Variants in DLG2 observed in about 807,000 individuals in gnomAD.
DLG2 encodes discs large MAGUK scaffold protein 2.
DLG2 carries 45 observed loss-of-function variants against 132.5 expected under a neutral mutation model. That is an observed-to-expected ratio of 0.34 (90% confidence interval 0.27 to 0.44). The LOEUF (loss-of-function observed/expected upper bound fraction) is 0.44. DLG2 is among the 20% of genes least tolerant of loss of function. DLG2 has a pLI of 1.00. For synonymous variants in DLG2, 424 were observed against 419.6 expected (o/e 1.01, Z -0.13); for missense variants, 1,045 against 1,196.9 (o/e 0.87, Z 1.87).
chr11:85,578,068 G>C (rs2078264365), intron 3 of DLG2, among the ~76,000 whole-genome samples: 1 of 152,022 alleles, frequency 6.6e-6, no homozygotes, highest in Non-Finnish European at 1.5e-5. Flanking sequence ...ACAGAATAGA[G>C]AACCCAGCAA....
At chr11:84,757,292 T>C (rs2153837758) in intron 6 of DLG2, among the ~76,000 whole-genome samples, 1 of 152,126 alleles carries the variant, frequency 6.6e-6, no homozygotes, top group African/African-American at 2.4e-5. Context: ...TGTATATCTT[T>C]TGTTAAAAAA....
At chr11:84,031,982 G>T (rs1025739564) in intron 11 of DLG2, among the ~76,000 whole-genome samples, 1 of 151,952 alleles carries the variant, frequency 6.6e-6, no homozygotes, top group Non-Finnish European at 1.5e-5. Context: ...AATAGTTTTG[G>T]GGTGCCACAG....
At chr11:85,458,638 A>G (rs184762760) in intron 3 of DLG2, among the ~76,000 whole-genome samples, 133 of 152,314 alleles carry the variant, frequency 8.7e-4, no homozygotes, top group African/African-American at 3.1e-3. Context: ...GGCTTTGTGC[A>G]AGGTCTTATT....
intron 4 of DLG2, among the ~76,000 whole-genome samples, chr11:85,208,881 T>C (rs1052502921): frequency 6.6e-6 from 1 of 151,830 alleles, no homozygotes; most frequent in Non-Finnish European, 1.5e-5. Flanking sequence ...CGGGGAGAGG[T>C]GAGAAGGAGT....
intron 6 of DLG2, among the ~76,000 whole-genome samples, chr11:84,796,041 T>G (rs560390152): frequency 6.6e-6 from 1 of 152,162 alleles, no homozygotes; most frequent in South Asian, 2.1e-4. Flanking sequence ...CCAGGCCAGA[T>G]GGGCAGAACA....
intron 22 of DLG2, among the ~76,000 whole-genome samples, chr11:83,476,834 C>T (rs1206628686): frequency 6.6e-6 from 1 of 152,012 alleles, no homozygotes; most frequent in Admixed American, 6.6e-5. Context: ...TAATGTAAAA[C>T]ATGTCTAATA....
chr11:84,592,011 G>C (rs1253542850), intron 6 of DLG2, among the ~76,000 whole-genome samples: 1 of 151,914 alleles, frequency 6.6e-6, no homozygotes, highest in Non-Finnish European at 1.5e-5. Flanking sequence ...GAGCCATCAC[G>C]CCAGGCTGAT....
intron 3 of DLG2, among the ~76,000 whole-genome samples, chr11:85,565,271 G>C (rs1256685231): frequency 6.6e-6 from 1 of 151,980 alleles, no homozygotes; most frequent in Non-Finnish European, 1.5e-5. Flanking sequence ...TGATGAAAGT[G>C]GTTATCCTTG....
intron 6 of DLG2, among the ~76,000 whole-genome samples, chr11:84,916,010 G>C (rs1213124026): frequency 1.3e-5 from 2 of 152,064 alleles, no homozygotes; most frequent in Non-Finnish European, 2.9e-5. Flanking sequence ...GTATACATAT[G>C]ACTCAAATCT....
chr11:84,120,513 G>T (rs2093858548), intron 9 of DLG2, among the ~76,000 whole-genome samples: 1 of 152,200 alleles, frequency 6.6e-6, no homozygotes, highest in Admixed American at 6.5e-5. Flanking sequence ...CAAAAATAAA[G>T]CGGGGAAAAA....
chr11:85,081,644 C>T (rs1027056371), intron 6 of DLG2, among the ~76,000 whole-genome samples: 11 of 152,122 alleles, frequency 7.2e-5, no homozygotes, highest in African/African-American at 2.4e-4. Context: ...GCTGGTCTTG[C>T]AGTAGACTGC....
At chr11:83,962,280 C>T (rs899001297) in intron 14 of DLG2, among the ~76,000 whole-genome samples, 6 of 151,976 alleles carry the variant, frequency 3.9e-5, no homozygotes, top group East Asian at 1.9e-4. Flanking sequence ...TCAGGCCCCA[C>T]GTATATCTGA....
intron 6 of DLG2, among the ~76,000 whole-genome samples, chr11:84,787,652 A>G (rs1187129317): frequency 6.6e-6 from 1 of 152,188 alleles, no homozygotes; most frequent in Admixed American, 6.6e-5. Context: ...TAAAGAATAT[A>G]TGCCTAATTT....
At chr11:84,262,535 T>C (rs939753760) in intron 7 of DLG2, among the ~76,000 whole-genome samples, 1 of 152,070 alleles carries the variant, frequency 6.6e-6, no homozygotes, top group Admixed American at 6.6e-5. Flanking sequence ...CATAATCATC[T>C]TTTTTTTCAT....
At chr11:83,480,650 C>G (rs1321645540) in intron 22 of DLG2, 1 of 1,550,880 alleles carries the variant, frequency 6.4e-7, no homozygotes, top group Non-Finnish European at 8.7e-7. Flanking sequence ...AAGAAAGTAT[C>G]TTTAATTACA....
intron 10 of DLG2, among the ~76,000 whole-genome samples, chr11:84,082,542 G>C (rs1238467521): frequency 4.6e-5 from 7 of 152,194 alleles, no homozygotes; most frequent in African/African-American, 1.7e-4. Context: ...TTCCTGAAGA[G>C]CTAAAAGAAT....
At chr11:85,432,738 C>T (rs993175995) in intron 3 of DLG2, among the ~76,000 whole-genome samples, 8 of 152,076 alleles carry the variant, frequency 5.3e-5, no homozygotes, top group Non-Finnish European at 8.8e-5. Context: ...AATTGGAAAA[C>T]ACACCTTGGG....
At chr11:84,719,926 T>C (rs564186004) in intron 6 of DLG2, among the ~76,000 whole-genome samples, 172 of 152,258 alleles carry the variant, frequency 1.1e-3, no homozygotes, top group African/African-American at 3.9e-3. Context: ...GGGCTCTAGG[T>C]GGTAGTAACC....
At chr11:85,116,979 T>C (rs1225519764) in intron 5 of DLG2, among the ~76,000 whole-genome samples, 1 of 151,930 alleles carries the variant, frequency 6.6e-6, no homozygotes, top group Non-Finnish European at 1.5e-5. Context: ...TTCCTTGGGT[T>C]TAGGAGGTCA....
Sources: allele counts gnomAD v4.1 joint callset (sites outside exome capture counted in the v4.1 genomes callset), GRCh38; gene constraint gnomAD v4.1.1; transcripts MANE v1.5; gene names NCBI Gene and HGNC (gene_info 2026-07-23, HGNC 2026-07-21).